Variants in OXCT1 observed in about 807,000 individuals in gnomAD.
OXCT1 encodes the protein 3-oxoacid CoA-transferase 1.
Under a neutral mutation model 69.6 loss-of-function variants are expected in OXCT1, and 27 were observed. The ratio of observed to expected loss-of-function variants is 0.39; its 90% CI spans 0.29 to 0.54. The LOEUF is 0.54. Ranked by LOEUF, OXCT1 falls within the 20% of genes least tolerant of loss-of-function variation. The pLI, the probability that OXCT1 is intolerant of heterozygous loss-of-function variation, is 0.72. For missense variants in OXCT1, 437 were observed against 650.2 expected, an observed-to-expected ratio of 0.67 and a Z score of 3.57; for synonymous variants, 202 against 217.8, an observed-to-expected ratio of 0.93 and a Z score of 0.64.
chr5:41,807,895 A>G (rs1292420611), intron 7 of OXCT1, among the ~76,000 whole-genome samples: 2 of 152,058 alleles, frequency 1.3e-5, no homozygotes, highest in Non-Finnish European at 2.9e-5. Context: ...TTAAATATAG[A>G]TACAAATGCT....
At position 41,807,201 on chromosome 5, in the gene OXCT1, A is replaced by C. The variant is rs1746722084; in HGVS notation, c.840+130T>G. ...ATCCCCATGATGATAGACACATGAG[A>C]AGCTCTTACTAAGATCCAAGACCAG... On this transcript the variant is annotated intron_variant, in intron 8 of 16. Coordinates refer to ENST00000196371, the MANE Select transcript of OXCT1 (RefSeq NM_000436.4). 7 of 691,948 alleles carry C rather than the reference A, an allele frequency of 1.0e-5. No homozygotes were observed. The East Asian group carries it at 1.1e-4, about 11-fold the overall frequency. The allele number at this position is 691,948 out of a possible 1,614,324, so 42.9% of individuals were successfully genotyped here.
intron 14 of OXCT1, among the ~76,000 whole-genome samples, chr5:41,756,637 A>G (rs984478725): frequency 1.3e-5 from 2 of 152,156 alleles, no homozygotes; most frequent in African/African-American, 2.4e-5. Context: ...CATGATGTAC[A>G]TAAGGCTCTA....
chr5:41,761,731 T>C lies in OXCT1; in HGVS notation c.1338+380A>G, dbSNP rs181871781. Among the ~76,000 whole-genome samples the C allele has an allele frequency of 6.6e-5, 10 of 152,278 alleles. No individual in the cohort carries two copies. In the East Asian group the frequency reaches 1.9e-3, roughly 29 times the overall value. The stretch of plus-strand genomic sequence containing the variant: ...TAAGATGTATGTTCTGTTGTGGCTT[T>C]TCATTTCACGCACAGATAGCAACCA... On this transcript the variant is annotated intron_variant, in intron 14 of 16. Coordinates refer to ENST00000196371, the MANE Select transcript of OXCT1 (RefSeq NM_000436.4).
chr5:41,795,721 A>C (rs1746147729), intron 11 of OXCT1, among the ~76,000 whole-genome samples: 1 of 152,170 alleles, frequency 6.6e-6, no homozygotes, highest in African/African-American at 2.4e-5. Context: ...GTAGATCTTA[A>C]GAGTTCTCAC....
intron 7 of OXCT1, among the ~76,000 whole-genome samples, chr5:41,809,533 C>A (rs1231169717): frequency 2.6e-5 from 4 of 151,972 alleles, no homozygotes; most frequent in Admixed American, 6.6e-5. Context: ...ATTTTTCATG[C>A]CTAATATTGC....
intron 14 of OXCT1, among the ~76,000 whole-genome samples, chr5:41,750,349 C>G (rs1164950713): frequency 6.6e-6 from 1 of 151,870 alleles, no homozygotes; most frequent in African/African-American, 2.4e-5. Context: ...TCCTCCAGCC[C>G]CTCCTCCCAC....
At chr5:41,810,351 G>T (rs1026373160) in intron 7 of OXCT1, among the ~76,000 whole-genome samples, 1 of 152,002 alleles carries the variant, frequency 6.6e-6, no homozygotes, top group East Asian at 1.9e-4. Context: ...GTTAGAAATG[G>T]GTAATAAAGA....
intron 7 of OXCT1, among the ~76,000 whole-genome samples, chr5:41,810,584 G>T (rs1746927728): frequency 1.3e-5 from 2 of 151,964 alleles, no homozygotes; most frequent in Non-Finnish European, 2.9e-5. Flanking sequence ...TAGACACTAG[G>T]AAATGTTGTT....
At chr5:41,833,417 T>C (rs1182862886) in intron 7 of OXCT1, among the ~76,000 whole-genome samples, 2 of 151,576 alleles carry the variant, frequency 1.3e-5, no homozygotes, top group East Asian at 3.9e-4. Flanking sequence ...AAAATATCTT[T>C]CAAGCATGGA....
chr5:41,817,488 T>C (rs1193660673), intron 7 of OXCT1, among the ~76,000 whole-genome samples: 1 of 152,326 alleles, frequency 6.6e-6, no homozygotes, highest in East Asian at 1.9e-4. Flanking sequence ...TATTGTGTAG[T>C]ATCTTTCTAA....
Position 41,870,367 on chromosome 5 carries a change from G to T in OXCT1, c.-9C>A. ...AGTTTGAGAGCCGCCATCTTCGGGC[G>T]GTGAGGCAGGAGGAGGCTGCGGGTT... On this transcript the variant is annotated 5_prime_UTR_variant, in exon 1 of 17. Transcript: ENST00000196371. The surrounding 1 kb of genome is among the most constrained non-coding windows in gnomAD (Gnocchi z 4.2). 1.9e-6 allele frequency: 3 copies of T among 1,610,924 alleles called. No individual in the cohort carries two copies. The highest frequency in any genetic ancestry group is 1.1e-5 in the South Asian group (1 of 90,906).
chr5:41,800,911 A>G (rs1389919479), intron 11 of OXCT1, 111 bp downstream of exon 11: 1 of 918,562 alleles, frequency 1.1e-6, no homozygotes, highest in African/African-American at 1.6e-5. Context: ...CCTCCTCAAC[A>G]ATGAATACCA....
At chr5:41,826,133 A>C (rs898333216) in intron 7 of OXCT1, among the ~76,000 whole-genome samples, 6 of 152,180 alleles carry the variant, frequency 3.9e-5, no homozygotes, top group African/African-American at 1.4e-4. Context: ...AAGAGTCATC[A>C]CAGTTTTTGC....
intron 3 of OXCT1, among the ~76,000 whole-genome samples, chr5:41,856,179 C>T (rs1225190917): frequency 6.6e-6 from 1 of 152,142 alleles, no homozygotes; most frequent in Non-Finnish European, 1.5e-5. Flanking sequence ...AATGAAGAGG[C>T]TCGAAGTAGT....
chr5:41,802,410 T>C (rs1361115548), intron 10 of OXCT1, among the ~76,000 whole-genome samples: 1 of 152,076 alleles, frequency 6.6e-6, no homozygotes. Flanking sequence ...GATTTTATTA[T>C]ACTAATGAAA....
chr5:41,863,179 T>C (rs1749821570), intron 1 of OXCT1, among the ~76,000 whole-genome samples: 2 of 152,278 alleles, frequency 1.3e-5, no homozygotes, highest in Middle Eastern at 6.8e-3. Context: ...AAACAACTTA[T>C]ATAGGGTTTG....
At chr5:41,761,654 C>A (rs542191159) in intron 14 of OXCT1, among the ~76,000 whole-genome samples, 3 of 152,158 alleles carry the variant, frequency 2.0e-5, no homozygotes, top group Admixed American at 2.0e-4. Context: ...CTTCTGGATA[C>A]GGCACCTCAC....
chr5:41,855,214 CA>C (rs1749375417), intron 3 of OXCT1, among the ~76,000 whole-genome samples: 1 of 152,060 alleles, frequency 6.6e-6, no homozygotes, highest in Non-Finnish European at 1.5e-5. Context: ...TCAGACAAAA[CA>C]AATCTATGAG....
chr5:41,850,331 C>A, intron 4 of OXCT1, 152 bp from the exon 5 acceptor site: 1 of 856,100 alleles, frequency 1.2e-6, no homozygotes, highest in South Asian at 1.5e-5. Context: ...ATATTGTATG[C>A]TAGAAGATCA....
Sources: allele counts gnomAD v4.1 joint callset (sites outside exome capture counted in the v4.1 genomes callset), GRCh38; gene constraint gnomAD v4.1.1; non-coding constraint Gnocchi (gnomAD v3.1); transcripts MANE v1.5; gene names NCBI Gene and HGNC (gene_info 2026-07-23, HGNC 2026-07-21).